Variants in DNAJC6 observed in about 807,000 individuals in gnomAD.
DNAJC6 encodes auxilin.
In DNAJC6, 34 loss-of-function variants were observed where a neutral mutation model predicts 110.0. The observed-to-expected ratio is 0.31, with a 90% CI of 0.24 to 0.41. The LOEUF (loss-of-function observed/expected upper bound fraction) is 0.41. Among genes scored for constraint, DNAJC6 ranks in the 10% least tolerant of loss-of-function variants. The probability of loss-of-function intolerance (pLI) is 1.00; values close to 1 mark genes in which losing one functional copy is unlikely to be tolerated. For missense variants in DNAJC6, 1,031 were observed against 1,207.8 expected, an observed-to-expected ratio of 0.85 and a Z score of 2.17; for synonymous variants, 406 against 437.2, an observed-to-expected ratio of 0.93 and a Z score of 0.89.
At chr1:65,410,848 G>A (rs1646121734) in intron 17 of DNAJC6, among the ~76,000 whole-genome samples, 2 of 152,232 alleles carry the variant, frequency 1.3e-5, no homozygotes, top group African/African-American at 4.8e-5. Flanking sequence ...TTACAATAAA[G>A]TGTGGTACAT....
At chr1:65,376,445 C>G (rs1645767296) in intron 4 of DNAJC6, among the ~76,000 whole-genome samples, 1 of 150,852 alleles carries the variant, frequency 6.6e-6, no homozygotes, top group Admixed American at 6.6e-5. Context: ...TTAGTTTGTT[C>G]TTGCTTTTCC....
At chr1:65,412,218 G>C (rs1015214092) in intron 18 of DNAJC6, among the ~76,000 whole-genome samples, 5 of 152,158 alleles carry the variant, frequency 3.3e-5, no homozygotes, top group African/African-American at 1.2e-4. Flanking sequence ...TTTCATTGAA[G>C]TATATATACA....
intron 11 of DNAJC6, among the ~76,000 whole-genome samples, chr1:65,390,984 CTG>C (rs773326518): frequency 6.6e-6 from 1 of 152,168 alleles, no homozygotes; most frequent in African/African-American, 2.4e-5. Context: ...CCTGTAGACT[CTG>C]AAATAGGTTT....
upstream of DNAJC6, among the ~76,000 whole-genome samples, chr1:65,307,782 G>A (rs1645058525): frequency 6.6e-6 from 1 of 152,184 alleles, no homozygotes; most frequent in Non-Finnish European, 1.5e-5. Flanking sequence ...CAATCTGACA[G>A]ATTTGGAAAA....
intron 1 of DNAJC6, among the ~76,000 whole-genome samples, chr1:65,316,534 CT>C (rs1419691127): frequency 6.6e-6 from 1 of 152,152 alleles, no homozygotes; most frequent in Non-Finnish European, 1.5e-5. Context: ...TCTTATTTGC[CT>C]TTGTAGTCTT....
intron 15 of DNAJC6, among the ~76,000 whole-genome samples, chr1:65,402,739 C>T (rs929228875): frequency 6.6e-6 from 1 of 152,184 alleles, no homozygotes; most frequent in East Asian, 1.9e-4. Flanking sequence ...AGCCTGGCTA[C>T]CGTTGTTGTC....
chr1:65,282,853 A>T (rs530316695), intron 1 of DNAJC6, among the ~76,000 whole-genome samples: 2 of 152,366 alleles, frequency 1.3e-5, no homozygotes, highest in South Asian at 4.1e-4. Flanking sequence ...CCTTGAGGTC[A>T]GAGATTGTGT....
In DNAJC6 at chr1:65,364,648, A is replaced by G; in HGVS notation, c.207A>G (p.Pro69=). 1 of 1,586,678 alleles carries G rather than the reference A, an allele frequency of 6.3e-7. No individual in the cohort carries two copies. Among genetic ancestry groups the G allele is most frequent in the Non-Finnish European group, 8.5e-7 (1 of 1,172,900 alleles). Residue 69 remains proline (P), a synonymous_variant, in exon 2 of 19, where the codon CCA becomes CCG. Transcript: ENST00000371069. ...TTTTTTTGGCAGGTGCCTCATCTCC[A>G]GACATGGAGCCCAGCTATGGGGGAG... ...STMDSSGASS[P]DMEPSYGGGL...
intron 1 of DNAJC6, among the ~76,000 whole-genome samples, chr1:65,353,356 A>G (rs967507953): frequency 1.3e-5 from 2 of 152,176 alleles, no homozygotes; most frequent in Non-Finnish European, 2.9e-5. Flanking sequence ...AAGAGTAAAG[A>G]TTCCTTATTT....
Position 65,309,710 on chromosome 1 carries a change from C to T in DNAJC6, c.-36C>T. ...ACCTTCCATCTCCCTTTTCGCTTCC[C>T]AGGTTGATTATTTTCTCTTTTCTCC... On this transcript the variant is annotated 5_prime_UTR_variant, in exon 1 of 19. Transcript: ENST00000371069. 1 of 1,540,614 alleles carries T rather than the reference C, an allele frequency of 6.5e-7. No individual in the cohort carries two copies. The highest frequency in any genetic ancestry group is 8.8e-7 in the Non-Finnish European group (1 of 1,142,476).
At position 65,386,795 on chromosome 1, in the gene DNAJC6, T is replaced by G; in HGVS notation, c.996-17T>G. ...ATTGGACTCTCTTTCAATGTATATTTTGGTCTGTGTTTACAGAGAATATCG... is the reference window on the plus strand; with the variant it reads ...ATTGGACTCTCTTTCAATGTATATTGTGGTCTGTGTTTACAGAGAATATCG... On this transcript the variant is annotated splice_polypyrimidine_tract_variant and intron_variant, in intron 7 of 18. Transcript: ENST00000371069. 1 of 1,593,836 alleles carries G rather than the reference T, an allele frequency of 6.3e-7. No homozygotes were observed.
chr1:65,371,671 A>T (rs1645707412), intron 4 of DNAJC6, among the ~76,000 whole-genome samples: 2 of 152,176 alleles, frequency 1.3e-5, no homozygotes, highest in Non-Finnish European at 2.9e-5. Flanking sequence ...GAGAGATGAA[A>T]ATTGAATGGC....
intron 1 of DNAJC6, among the ~76,000 whole-genome samples, chr1:65,331,709 G>GC (rs1446562106): frequency 6.6e-6 from 1 of 152,174 alleles, no homozygotes; most frequent in Non-Finnish European, 1.5e-5. Context: ...TAGGTTATGA[G>GC]CCCCAAGTTG....
chr1:65,392,159 G>A (rs1181824932), intron 11 of DNAJC6, among the ~76,000 whole-genome samples: 1 of 152,200 alleles, frequency 6.6e-6, no homozygotes, highest in Non-Finnish European at 1.5e-5. Context: ...GTGTCATAGA[G>A]CCAGTGAGTA....
At chr1:65,283,660 G>T (rs1270141952) in intron 1 of DNAJC6, among the ~76,000 whole-genome samples, 1 of 152,108 alleles carries the variant, frequency 6.6e-6, no homozygotes, top group Non-Finnish European at 1.5e-5. Context: ...ATTTCTTTGG[G>T]ATAAATGCCC....
At chr1:65,378,263 A>T (rs767660985) in intron 4 of DNAJC6, among the ~76,000 whole-genome samples, 5 of 111,870 alleles carry the variant, frequency 4.5e-5, no homozygotes, top group Non-Finnish European at 7.9e-5. Context: ...GGAAATGTAG[A>T]TCTGAGAGTC....
At chr1:65,390,171 G>T (rs1209971336) in intron 11 of DNAJC6, among the ~76,000 whole-genome samples, 1 of 152,068 alleles carries the variant, frequency 6.6e-6, no homozygotes, top group Non-Finnish European at 1.5e-5. Flanking sequence ...CTGTGTTTTT[G>T]GTCACGTCAT....
intron 13 of DNAJC6, 95 bp from the exon 14 acceptor site, chr1:65,398,718 G>T: frequency 7.8e-7 from 1 of 1,288,768 alleles, no homozygotes. Context: ...GGGCCATGCA[G>T]GCTTCAGGGA....
intron 1 of DNAJC6, among the ~76,000 whole-genome samples, chr1:65,330,640 T>A (rs562141506): frequency 2.1e-4 from 32 of 152,226 alleles, no homozygotes; most frequent in South Asian, 2.1e-4. Flanking sequence ...GCTAATTTTG[T>A]GTATTTTTAG....
Sources: gnomAD v4.1 joint callset for allele counts (sites outside exome capture counted in the v4.1 genomes callset) on GRCh38, gnomAD v4.1.1 for gene constraint, MANE v1.5 for transcripts, NCBI Gene and HGNC (gene_info 2026-07-23, HGNC 2026-07-21) for gene names.